ARGLU1: variants seen among roughly 807,000 people sequenced by gnomAD.
ARGLU1 encodes arginine and glutamate rich 1, also known as arginine and glutamate-rich protein 1.
A neutral mutation model predicts 37.6 loss-of-function variants in ARGLU1; 9 were observed. That is an observed-to-expected ratio of 0.24 (90% CI 0.14 to 0.42). The LOEUF is 0.42. ARGLU1 is among the 10% of genes least tolerant of loss of function. The pLI is 1.00. For missense variants in ARGLU1, 211 were observed against 359.2 expected (o/e 0.59, Z 3.34); for synonymous variants, 166 against 138.5 (o/e 1.20, Z -1.39).
In ARGLU1 at chr13:106,558,312, A is replaced by AT. The variant is rs1880708293; in HGVS notation, c.573+1119dup. ...AAACCCACTATAAATATAAGCATGT[A>AT]TATCTAGTTAAAGACAGGACAAGGG... On this transcript the variant is annotated intron_variant, in intron 2 of 3. Transcript: ENST00000400198. The AT allele has an allele frequency of 4.1e-6, 4 of 985,116 alleles. No individual in the cohort carries two copies. The South Asian group carries it at 1.4e-4, about 35-fold the overall frequency. 61.0% of individuals were successfully genotyped at this position (985,116 alleles called of 1,614,324 possible).
At chr13:106,550,179 C>T (rs1427924001) in intron 3 of ARGLU1, among the ~76,000 whole-genome samples, 1 of 152,160 alleles carries the variant, frequency 6.6e-6, no homozygotes, top group Non-Finnish European at 1.5e-5. Flanking sequence ...TGCGTCCCGG[C>T]TTTTTCATAC....
chr13:106,559,063 G>A lies in ARGLU1; in HGVS notation c.573+369C>T, dbSNP rs1880728864. The A allele has an allele frequency of 5.9e-5, 71 of 1,210,688 alleles. 1 individual carries two copies. Among genetic ancestry groups the A allele is most frequent in the Non-Finnish European group, 7.3e-5 (70 of 958,420 alleles). The allele number at this position is 1,210,688 out of a possible 1,614,324, so 75.0% of individuals were successfully genotyped here. On this transcript the variant is annotated intron_variant, in intron 2 of 3. Transcript: ENST00000400198. ...GTCTAGGTAACAGAGTGACAGAATA[G>A]AAGAATATACAACCACAGGTGGATT...
intron 3 of ARGLU1, among the ~76,000 whole-genome samples, chr13:106,544,994 A>G (rs1331145942): frequency 3.9e-5 from 6 of 152,160 alleles, no homozygotes; most frequent in Non-Finnish European, 8.8e-5. Context: ...CCTCTTTACC[A>G]AAGTCAGGCC....
At chr13:106,558,175 T>A (rs1321570053) in intron 2 of ARGLU1, 1 of 985,082 alleles carries the variant, frequency 1.0e-6, no homozygotes, top group African/African-American at 1.7e-5. Context: ...GAAAAAAATC[T>A]TACTATGATT....
intron 1 of ARGLU1, among the ~76,000 whole-genome samples, chr13:106,562,949 C>T (rs915261559): frequency 6.9e-6 from 1 of 144,442 alleles, no homozygotes; most frequent in African/African-American, 2.5e-5. Context: ...CGCCACTGCA[C>T]CACTGCACTC....
chr13:106,559,164 C>CA (rs1185890610), intron 2 of ARGLU1: 1 of 1,401,038 alleles, frequency 7.1e-7, no homozygotes, highest in Admixed American at 2.2e-5. Context: ...GCAGCCATGG[C>CA]AAAAGTTTCA....
intron 3 of ARGLU1, among the ~76,000 whole-genome samples, chr13:106,551,959 T>C (rs181874500): frequency 2.0e-5 from 3 of 152,330 alleles, no homozygotes; most frequent in African/African-American, 4.8e-5. Flanking sequence ...TAATCACATC[T>C]GCAAAAGCCC....
intron 2 of ARGLU1, chr13:106,558,466 G>A (rs889287891): frequency 1.9e-4 from 189 of 985,212 alleles, no homozygotes; most frequent in Non-Finnish European, 2.2e-4. Context: ...TTCAGTTCAA[G>A]AAAATACAAC....
intron 3 of ARGLU1, among the ~76,000 whole-genome samples, chr13:106,556,683 TACAAAGTAA>T (rs2138971313): frequency 6.6e-6 from 1 of 152,284 alleles, no homozygotes; most frequent in South Asian, 2.1e-4. Flanking sequence ...AGCCAACTAA[TACAAAGTAA>T]AATGCTGCAT....
At chr13:106,558,019 C>T in intron 2 of ARGLU1, 1 of 985,218 alleles carries the variant, frequency 1.0e-6, no homozygotes, top group Non-Finnish European at 1.2e-6. Flanking sequence ...ATAATGCAAA[C>T]TGTATGAAGA....
At chr13:106,553,406 G>C (rs953867010) in intron 3 of ARGLU1, among the ~76,000 whole-genome samples, 1 of 152,080 alleles carries the variant, frequency 6.6e-6, no homozygotes, top group African/African-American at 2.4e-5. Flanking sequence ...TAAATAATTT[G>C]AGAGTATCTT....
intron 1 of ARGLU1, among the ~76,000 whole-genome samples, chr13:106,562,851 T>A (rs1052019653): frequency 2.3e-5 from 3 of 130,568 alleles, no homozygotes; most frequent in Non-Finnish European, 4.9e-5. Flanking sequence ...AATAAATAAA[T>A]AAAAAATAAA....
chr13:106,544,266 G>A (rs1880336037), intron 3 of ARGLU1, 106 bp from the exon 4 acceptor site: 1 of 958,858 alleles, frequency 1.0e-6, no homozygotes, highest in Non-Finnish European at 1.4e-6. Flanking sequence ...AATTTTTAAT[G>A]CAAATGCAAA....
intron 2 of ARGLU1, chr13:106,558,303 T>C (rs1880708154): frequency 2.0e-6 from 2 of 984,782 alleles, no homozygotes; most frequent in South Asian, 4.7e-5. Flanking sequence ...ACTATAAATA[T>C]AAGCATGTAT....
intron 3 of ARGLU1, among the ~76,000 whole-genome samples, chr13:106,544,714 G>A (rs1709515776): frequency 6.6e-6 from 1 of 151,888 alleles, no homozygotes; most frequent in East Asian, 1.9e-4. Flanking sequence ...CAAAAAAACA[G>A]AAACATAGGA....
At chr13:106,548,886 C>G (rs1880462067) in intron 3 of ARGLU1, among the ~76,000 whole-genome samples, 1 of 152,122 alleles carries the variant, frequency 6.6e-6, no homozygotes, top group South Asian at 2.1e-4. Flanking sequence ...GTAGCTGGGA[C>G]TACAGGTGCG....
At chr13:106,554,497 G>A (rs907791233) in intron 3 of ARGLU1, among the ~76,000 whole-genome samples, 1 of 152,176 alleles carries the variant, frequency 6.6e-6, no homozygotes, top group Non-Finnish European at 1.5e-5. Flanking sequence ...GGGCCTCAAC[G>A]TGTACCGTGC....
In ARGLU1 at chr13:106,557,311, A is replaced by AAATCATC; in HGVS notation, c.574-187_574-181dup. ...AAAATTGGTTTCTAGCACTAAATTT[A>AAATCATC]AATCATCCCTCCCAGTCCAAACAGC... On this transcript the variant is annotated intron_variant, in intron 2 of 3. Coordinates refer to ENST00000400198, the MANE Select transcript of ARGLU1 (RefSeq NM_018011.4). The surrounding 1 kb of genome is among the most constrained non-coding windows in gnomAD (Gnocchi z 5.0). 1 of 677,464 alleles carries AAATCATC rather than the reference A, an allele frequency of 1.5e-6. No homozygotes were observed. The highest frequency in any genetic ancestry group is 2.4e-6 in the Non-Finnish European group (1 of 419,218). The allele number at this position is 677,464 out of a possible 1,614,324, so 42.0% of individuals were successfully genotyped here.
intron 1 of ARGLU1, among the ~76,000 whole-genome samples, chr13:106,565,826 A>G (rs959402308): frequency 3.9e-5 from 6 of 152,194 alleles, no homozygotes; most frequent in Non-Finnish European, 7.4e-5. Context: ...CAAACCAGAG[A>G]ACCATATAGC....
Sources: allele counts gnomAD v4.1 joint callset (sites outside exome capture counted in the v4.1 genomes callset), GRCh38; gene constraint gnomAD v4.1.1; non-coding constraint Gnocchi (gnomAD v3.1); transcripts MANE v1.5; gene names NCBI Gene and HGNC (gene_info 2026-07-23, HGNC 2026-07-21).